The following IQCM variants were observed in gnomAD, a reference collection of about 807,000 sequenced individuals.
The protein encoded by IQCM is IQ motif containing M, also known as IQ domain-containing protein M.
IQCM carries 45 observed loss-of-function variants against 57.6 expected under a neutral mutation model. That is an observed-to-expected ratio of 0.78 (90% CI 0.62 to 1.00). IQCM has a LOEUF of 1.00. Among genes scored for constraint, IQCM ranks in the 50% least tolerant of loss-of-function variants. IQCM has a pLI of 0.00. For missense variants in IQCM, 468 were observed against 511.6 expected, an observed-to-expected ratio of 0.91 and a Z score of 0.82; for synonymous variants, 148 against 158.9, an observed-to-expected ratio of 0.93 and a Z score of 0.51.
At chr4:149,387,685 G>C (rs1731519337) in intron 13 of IQCM, among the ~76,000 whole-genome samples, 1 of 151,648 alleles carries the variant, frequency 6.6e-6, no homozygotes, top group Admixed American at 6.6e-5. Context: ...TTTCTTTATA[G>C]CTTTATTTCA....
At chr4:149,649,350 G>C (rs868635880) in intron 7 of IQCM, among the ~76,000 whole-genome samples, 5 of 151,992 alleles carry the variant, frequency 3.3e-5, no homozygotes, top group Non-Finnish European at 5.9e-5. Flanking sequence ...GGCCCTGACT[G>C]TTTCCCTTAC....
At chr4:149,541,836 A>T (rs898786640) in intron 12 of IQCM, among the ~76,000 whole-genome samples, 1 of 152,266 alleles carries the variant, frequency 6.6e-6, no homozygotes. Context: ...GTCGTACACT[A>T]AAGTAGTTAA....
At chr4:149,591,673 A>G (rs539951685) in intron 8 of IQCM, among the ~76,000 whole-genome samples, 6 of 152,000 alleles carry the variant, frequency 3.9e-5, no homozygotes, top group Non-Finnish European at 7.4e-5. Flanking sequence ...TCATTGTTCA[A>G]TTCCCACCTA....
At chr4:149,713,864 C>T (rs1386572603) in intron 5 of IQCM, among the ~76,000 whole-genome samples, 5 of 152,044 alleles carry the variant, frequency 3.3e-5, no homozygotes, top group Non-Finnish European at 7.4e-5. Flanking sequence ...TGTGATTTTC[C>T]CTCTCCTCCT....
intron 7 of IQCM, among the ~76,000 whole-genome samples, chr4:149,642,255 C>T (rs577515804): frequency 1.3e-5 from 2 of 152,144 alleles, no homozygotes; most frequent in South Asian, 4.2e-4. Flanking sequence ...ATTTTACTAC[C>T]TCATGTTTAA....
At chr4:149,810,766 A>T (rs1651076941) in intron 2 of IQCM, among the ~76,000 whole-genome samples, 2 of 152,120 alleles carry the variant, frequency 1.3e-5, no homozygotes, top group Non-Finnish European at 1.5e-5. Context: ...ATATAATTTT[A>T]ATTATTTTGA....
Position 149,455,842 on chromosome 4 carries a change from G to A in IQCM, c.1229-22285C>T, listed in dbSNP as rs1737640829. ...TTTTTTTAATTAGCCAGGTGTGGTA[G>A]CATGCACTTGCTGTCCTAGCTACTA... On this transcript the variant is annotated intron_variant, in intron 12 of 13. Transcript: ENST00000636793. Among the ~76,000 whole-genome samples, 3 of 151,470 alleles carry A rather than the reference G, an allele frequency of 2.0e-5. No individual in the cohort carries two copies. In the South Asian group the frequency reaches 6.3e-4, roughly 32 times the overall value.
intron 8 of IQCM, among the ~76,000 whole-genome samples, chr4:149,599,113 A>C (rs1476515007): frequency 6.6e-6 from 1 of 152,184 alleles, no homozygotes; most frequent in African/African-American, 2.4e-5. Context: ...AGACATATAA[A>C]AGAATGCTTG....
At chr4:149,564,414 C>T (rs1750417668) in intron 9 of IQCM, among the ~76,000 whole-genome samples, 1 of 152,144 alleles carries the variant, frequency 6.6e-6, no homozygotes, top group African/African-American at 2.4e-5. Context: ...GACCAGTCTG[C>T]AATACGGCTA....
chr4:149,740,969 T>C (rs1767404475), intron 3 of IQCM, among the ~76,000 whole-genome samples: 1 of 152,112 alleles, frequency 6.6e-6, no homozygotes, highest in South Asian at 2.1e-4. Flanking sequence ...AGCTGGAAAG[T>C]AAATAGAAGC....
intron 7 of IQCM, among the ~76,000 whole-genome samples, chr4:149,629,023 C>T (rs967970708): frequency 2.0e-5 from 3 of 152,144 alleles, no homozygotes; most frequent in East Asian, 1.9e-4. Flanking sequence ...TCAGAAAACA[C>T]TTAACTAAAG....
intron 12 of IQCM, among the ~76,000 whole-genome samples, chr4:149,498,656 T>C (rs965764947): frequency 6.6e-6 from 1 of 152,076 alleles, no homozygotes; most frequent in Non-Finnish European, 1.5e-5. Flanking sequence ...ATACAGCTCA[T>C]AGAGAGTAAG....
At chr4:149,612,955 G>A (rs575732247) in intron 8 of IQCM, among the ~76,000 whole-genome samples, 29 of 151,890 alleles carry the variant, frequency 1.9e-4, no homozygotes, top group Admixed American at 4.6e-4. Flanking sequence ...GTTAACTCAG[G>A]ACCTGAGTTA....
At chr4:149,482,961 T>C (rs1452277207) in intron 12 of IQCM, among the ~76,000 whole-genome samples, 2 of 151,910 alleles carry the variant, frequency 1.3e-5, no homozygotes, top group African/African-American at 4.8e-5. Context: ...TATTGGTCTG[T>C]TCAGGTATTG....
intron 5 of IQCM, among the ~76,000 whole-genome samples, chr4:149,692,810 C>T (rs1763036331): frequency 6.6e-6 from 1 of 151,900 alleles, no homozygotes; most frequent in Non-Finnish European, 1.5e-5. Context: ...AAACCAATTC[C>T]ACCAAACTAG....
chr4:149,424,726 C>T (rs564652574), intron 13 of IQCM, among the ~76,000 whole-genome samples: 36 of 151,936 alleles, frequency 2.4e-4, no homozygotes, highest in African/African-American at 7.9e-4. Flanking sequence ...GGAATTCCAT[C>T]TTCTTTATGA....
At chr4:149,735,947 C>CT (rs142987177) in intron 3 of IQCM, among the ~76,000 whole-genome samples, 3,789 of 139,830 alleles carry the variant, frequency 0.027, 96 homozygotes, top group African/African-American at 0.065. Flanking sequence ...TTTCTTTCGA[C>CT]TTTTTTTTTT....
At chr4:149,548,754 T>C (rs1364875252) in intron 11 of IQCM, among the ~76,000 whole-genome samples, 165 bp from the exon 12 acceptor site, 1 of 152,172 alleles carries the variant, frequency 6.6e-6, no homozygotes, top group Non-Finnish European at 1.5e-5. Context: ...TGTTTCTCTC[T>C]CCTCACATTC....
At chr4:149,519,821 G>T (rs910921415) in intron 12 of IQCM, among the ~76,000 whole-genome samples, 1 of 150,440 alleles carries the variant, frequency 6.6e-6, no homozygotes, top group Non-Finnish European at 1.5e-5. Flanking sequence ...TGGCTAACAC[G>T]GTGAAACCCT....
Sources: allele counts gnomAD v4.1 joint callset (sites outside exome capture counted in the v4.1 genomes callset), GRCh38; gene constraint gnomAD v4.1.1; transcripts MANE v1.5; gene names NCBI Gene and HGNC (gene_info 2026-07-23, HGNC 2026-07-21).